The following LRMDA variants were observed in gnomAD, a reference collection of about 807,000 sequenced individuals.
The protein encoded by LRMDA is leucine-rich melanocyte differentiation-associated protein.
LRMDA carries 18 observed loss-of-function variants against 29.8 expected under a neutral mutation model. The ratio of observed to expected loss-of-function variants is 0.60; its 90% CI spans 0.42 to 0.90. The LOEUF is 0.90. Among genes scored for constraint, LRMDA ranks in the 40% least tolerant of loss-of-function variants. LRMDA has a pLI of 0.00. For synonymous variants in LRMDA, 125 were observed against 109.4 expected (o/e 1.14, Z -0.89); for missense variants, 273 against 273.9 (o/e 1.00, Z 0.02).
chr10:76,105,601 C>T (rs906747015), intron 5 of LRMDA, among the ~76,000 whole-genome samples: 8 of 152,084 alleles, frequency 5.3e-5, no homozygotes, highest in African/African-American at 1.9e-4. Flanking sequence ...AGTTATGTAG[C>T]CCCAAGCCAA....
intron 2 of LRMDA, among the ~76,000 whole-genome samples, chr10:75,977,813 T>C (rs1198056589): frequency 6.6e-6 from 1 of 152,206 alleles, no homozygotes; most frequent in Non-Finnish European, 1.5e-5. Flanking sequence ...ACTCATCTTC[T>C]GGTGTCACAC....
rs139648780 is a variant in LRMDA at position 76,442,858 on chromosome 10, T to G, written c.602-114351T>G. Among the ~76,000 whole-genome samples the G allele has an allele frequency of 3.5e-4, 53 of 152,342 alleles. 1 individual carries two copies. The East Asian group carries it at 0.01, about 29-fold the overall frequency. ...TCTGGTGTTCAGTTGTCTTCTAATA[T>G]AGAACATTTTAATTTCTGAGGGAAG... is the stretch of plus-strand genomic sequence containing the variant. On this transcript the variant is annotated intron_variant, in intron 6 of 6. Coordinates refer to ENST00000611255, the MANE Select transcript of LRMDA (RefSeq NM_001305581.2).
chr10:76,080,125 C>T (rs1208132439), intron 5 of LRMDA, among the ~76,000 whole-genome samples: 1 of 152,162 alleles, frequency 6.6e-6, no homozygotes, highest in Non-Finnish European at 1.5e-5. Context: ...TCTTCACTCA[C>T]TCATCTACCT....
rs1843584826 is a variant in LRMDA at position 76,558,398 on chromosome 10, C to T, written c.*1110C>T. 6.6e-6 allele frequency: 1 copy of T among 152,198 alleles called. No individual in the cohort carries two copies. The highest frequency in any genetic ancestry group is 2.4e-5 in the African/African-American group (1 of 41,452). The allele number at this position is 152,198 out of a possible 1,614,324, so 9.4% of individuals were successfully genotyped here. On this transcript the variant is annotated 3_prime_UTR_variant, in exon 7 of 7. Transcript: ENST00000611255. The stretch of plus-strand genomic sequence containing the variant: ...AATCCACAGGTTGTGAGACAGTGCT[C>T]TGTCTTCCTGTATGCTTGGCTGTGC...
chr10:76,028,401 T>G (rs1182528981), intron 2 of LRMDA, among the ~76,000 whole-genome samples: 1 of 152,190 alleles, frequency 6.6e-6, no homozygotes, highest in East Asian at 1.9e-4. Flanking sequence ...ATATTCCCAA[T>G]TTTCATATTC....
chr10:76,096,899 C>T (rs1454846069), intron 5 of LRMDA, among the ~76,000 whole-genome samples: 2 of 151,866 alleles, frequency 1.3e-5, no homozygotes, highest in African/African-American at 4.8e-5. Context: ...TCCAATTGTT[C>T]ATTGCTAGTT....
intron 6 of LRMDA, among the ~76,000 whole-genome samples, chr10:76,400,653 A>G (rs940117169): frequency 2.0e-5 from 3 of 152,184 alleles, no homozygotes; most frequent in East Asian, 1.9e-4. Flanking sequence ...TTTTGCTGAC[A>G]TCGTTACCAT....
intron 2 of LRMDA, among the ~76,000 whole-genome samples, chr10:75,462,661 A>ACT: frequency 6.6e-6 from 1 of 152,212 alleles, no homozygotes; most frequent in South Asian, 2.1e-4. Flanking sequence ...TTCCTGAGTA[A>ACT]CAGGATGAGG....
intron 6 of LRMDA, among the ~76,000 whole-genome samples, chr10:76,384,999 G>A (rs1202282840): frequency 1.3e-5 from 2 of 152,202 alleles, no homozygotes; most frequent in African/African-American, 4.8e-5. Flanking sequence ...CAGCCTCCCT[G>A]TAGATCAAGT....
At position 75,467,451 on chromosome 10, in the gene LRMDA, G is replaced by A. The variant is rs181806751; in HGVS notation, c.131+28957G>A. Among the ~76,000 whole-genome samples the A allele has an allele frequency of 3.0e-4, 45 of 152,238 alleles. 1 individual carries two copies. Among genetic ancestry groups the A allele is most frequent in the South Asian group, 8.3e-4 (4 of 4,816 alleles). ...AGGTGTTTGAGAAGAAGAAGACCTC[G>A]CCCTCTGTGCCTCTTATTTGCCCCT... On this transcript the variant is annotated intron_variant, in intron 2 of 6. Coordinates refer to ENST00000611255, the MANE Select transcript of LRMDA (RefSeq NM_001305581.2).
chr10:76,177,593 C>G (rs1025154344), intron 5 of LRMDA, among the ~76,000 whole-genome samples: 1 of 152,138 alleles, frequency 6.6e-6, no homozygotes, highest in African/African-American at 2.4e-5. Flanking sequence ...AGATGCTCAA[C>G]TCTTTGAAAA....
At chr10:75,675,178 A>T (rs536489269) in intron 2 of LRMDA, among the ~76,000 whole-genome samples, 14 of 152,318 alleles carry the variant, frequency 9.2e-5, no homozygotes, top group Non-Finnish European at 1.8e-4. Context: ...GGCATGGCTG[A>T]TACAAAGGAA....
At chr10:75,895,148 C>G (rs1477114245) in intron 2 of LRMDA, among the ~76,000 whole-genome samples, 1 of 152,202 alleles carries the variant, frequency 6.6e-6, no homozygotes, top group African/African-American at 2.4e-5. Context: ...TGTGACCTTA[C>G]TCTCAATAGT....
chr10:76,238,295 A>G (rs1487762127), intron 5 of LRMDA, among the ~76,000 whole-genome samples: 2 of 152,132 alleles, frequency 1.3e-5, no homozygotes, highest in Non-Finnish European at 2.9e-5. Flanking sequence ...CTAATGACGC[A>G]GGCAATTTGG....
intron 2 of LRMDA, among the ~76,000 whole-genome samples, chr10:75,872,612 C>G (rs1845133719): frequency 6.6e-6 from 1 of 152,128 alleles, no homozygotes; most frequent in Admixed American, 6.6e-5. Context: ...CTGATTTGTT[C>G]TATTCTCTGT....
chr10:76,273,832 G>A (rs1840097671), intron 5 of LRMDA, among the ~76,000 whole-genome samples: 1 of 152,148 alleles, frequency 6.6e-6, no homozygotes, highest in South Asian at 2.1e-4. Context: ...ACAGGATGAG[G>A]TCAAATGATC....
In LRMDA at chr10:76,364,636, A is replaced by C. The variant is rs927589525; in HGVS notation, c.601+40151A>C. ...GGATATTAATTAAATCTTTGCAAAAAGATGGCTCATTTTGTAATTATGGCA... is the reference window on the plus strand; with the variant it reads ...GGATATTAATTAAATCTTTGCAAAACGATGGCTCATTTTGTAATTATGGCA... On this transcript the variant is annotated intron_variant, in intron 6 of 6. Transcript: ENST00000611255. Among the ~76,000 whole-genome samples, 5 of 152,122 alleles carry C rather than the reference A, an allele frequency of 3.3e-5. 1 individual carries two copies. Among genetic ancestry groups the C allele is most frequent in the Admixed American group, 2.0e-4 (3 of 15,266 alleles).
intron 5 of LRMDA, among the ~76,000 whole-genome samples, chr10:76,112,528 A>G (rs1189302866): frequency 6.6e-6 from 1 of 152,206 alleles, no homozygotes; most frequent in Non-Finnish European, 1.5e-5. Flanking sequence ...TCAGCTGTGC[A>G]GCGCCTGACC....
At chr10:75,576,264 TG>T (rs2132073526) in intron 2 of LRMDA, among the ~76,000 whole-genome samples, 1 of 152,288 alleles carries the variant, frequency 6.6e-6, no homozygotes, top group Non-Finnish European at 1.5e-5. Context: ...AAGTTCGAAC[TG>T]GGCAAAGCCC....
Sources: allele counts gnomAD v4.1 joint callset (sites outside exome capture counted in the v4.1 genomes callset), GRCh38; gene constraint gnomAD v4.1.1; transcripts MANE v1.5; gene names NCBI Gene and HGNC (gene_info 2026-07-23, HGNC 2026-07-21).